TIAM1: variants seen among roughly 807,000 people sequenced by gnomAD.
TIAM1 encodes TIAM Rac1 associated GEF 1, also known as rho guanine nucleotide exchange factor TIAM1.
A neutral mutation model predicts 163.5 loss-of-function variants in TIAM1; 65 were observed. The observed-to-expected ratio is 0.40, with a 90% CI of 0.33 to 0.49. TIAM1 has a LOEUF of 0.49. Ranked by LOEUF, TIAM1 falls within the 20% of genes least tolerant of loss-of-function variation. The pLI is 0.77. For missense variants in TIAM1, 1,789 were observed against 2,044.7 expected (o/e 0.87, Z 2.41); for synonymous variants, 833 against 810.1 (o/e 1.03, Z -0.48).
intron 6 of TIAM1, among the ~76,000 whole-genome samples, chr21:31,241,322 C>G (rs1439862210): frequency 6.6e-6 from 1 of 152,142 alleles, no homozygotes; most frequent in African/African-American, 2.4e-5. Flanking sequence ...GACCCTACAG[C>G]TCGGTGAAAG....
intron 2 of TIAM1, among the ~76,000 whole-genome samples, chr21:31,391,462 TAAAAATACAAAAA>T (rs1353008929): frequency 6.6e-6 from 1 of 152,016 alleles, no homozygotes; most frequent in Admixed American, 6.5e-5. Flanking sequence ...CCGGCTCTAC[TAAAAATACAAAAA>T]TTAGCTGGGC....
intron 4 of TIAM1, among the ~76,000 whole-genome samples, chr21:31,252,638 T>C (rs1367756149): frequency 2.6e-5 from 4 of 152,112 alleles, no homozygotes; most frequent in South Asian, 2.1e-4. Flanking sequence ...AATGAATAAC[T>C]AGGTCTTTAT....
At chr21:31,553,421 G>C (rs1435938575) in intron 1 of TIAM1, among the ~76,000 whole-genome samples, 1 of 152,158 alleles carries the variant, frequency 6.6e-6, no homozygotes, top group Non-Finnish European at 1.5e-5. Context: ...GGTTGGGTGA[G>C]GGTCCTGTTA....
chr21:31,450,056 G>T (rs571409520), intron 2 of TIAM1, among the ~76,000 whole-genome samples: 3 of 152,272 alleles, frequency 2.0e-5, no homozygotes, highest in Admixed American at 1.3e-4. Flanking sequence ...ATAATGGAAG[G>T]AGCTGCTCGT....
intron 16 of TIAM1, among the ~76,000 whole-genome samples, chr21:31,154,827 C>T (rs1202389188): frequency 2.0e-5 from 3 of 152,148 alleles, no homozygotes; most frequent in African/African-American, 7.2e-5. Context: ...GTCGATAAAT[C>T]AGGAGACATA....
chr21:31,162,657 T>C (rs1036057868), intron 16 of TIAM1, among the ~76,000 whole-genome samples: 1 of 150,982 alleles, frequency 6.6e-6, no homozygotes, highest in Non-Finnish European at 1.5e-5. Context: ...TTTTTTTTTT[T>C]TTGAGATGGA....
At chr21:31,143,277 T>C (rs191466721) in intron 20 of TIAM1, among the ~76,000 whole-genome samples, 378 of 152,248 alleles carry the variant, frequency 2.5e-3, no homozygotes, top group African/African-American at 8.6e-3. Flanking sequence ...CATTGGAAAT[T>C]CATTTCCAAT....
intron 10 of TIAM1, chr21:31,212,606 C>CTTTTTTTT (rs35838120): frequency 3.2e-5 from 3 of 93,740 alleles, no homozygotes; most frequent in African/African-American, 7.6e-5. Context: ...GCCTGTGAAT[C>CTTTTTTTT]TTTTTTTTTT....
At chr21:31,186,684 G>A (rs191398183) in intron 14 of TIAM1, among the ~76,000 whole-genome samples, 122 of 152,222 alleles carry the variant, frequency 8.0e-4, no homozygotes, top group African/African-American at 2.5e-3. Context: ...GGGGGGCTGA[G>A]GTGAGAGGGT....
At chr21:31,200,569 C>T (rs767768158) in intron 12 of TIAM1, among the ~76,000 whole-genome samples, 40 of 152,220 alleles carry the variant, frequency 2.6e-4, no homozygotes, top group Non-Finnish European at 2.4e-4. Flanking sequence ...ATTAGATCTA[C>T]TGCTAGGTCT....
intron 2 of TIAM1, among the ~76,000 whole-genome samples, chr21:31,331,867 C>T (rs2075687644): frequency 6.6e-6 from 1 of 152,150 alleles, no homozygotes; most frequent in South Asian, 2.1e-4. Flanking sequence ...CATTTCAATA[C>T]CAACTTCATG....
chr21:31,408,279 C>T (rs1313565649), intron 2 of TIAM1, among the ~76,000 whole-genome samples: 2 of 151,998 alleles, frequency 1.3e-5, no homozygotes, highest in Non-Finnish European at 2.9e-5. Context: ...AAGAGAAAGA[C>T]AAAGAGAAGA....
In TIAM1 at chr21:31,154,433, AGCACAGG is replaced by A. The variant is rs1568932093; in HGVS notation, c.2992-14_2992-8del. Reference sequence around the variant, plus strand: ...CGGCCACCTGTTCTGTACTCTTCGGAGCACAGGGGGGAAGGGAAGGCAGAGGTCATTA... The same window carrying A: ...CGGCCACCTGTTCTGTACTCTTCGGAGGGGAAGGGAAGGCAGAGGTCATTA... On this transcript the variant is annotated splice_polypyrimidine_tract_variant and splice_region_variant and intron_variant, in intron 16 of 27. Transcript: ENST00000541036. The A allele has an allele frequency of 6.2e-7, 1 of 1,610,810 alleles. No homozygotes were observed. The highest frequency in any genetic ancestry group is 8.5e-7 in the Non-Finnish European group (1 of 1,177,624).
chr21:31,529,583 A>G (rs1184360161), intron 1 of TIAM1, among the ~76,000 whole-genome samples: 1 of 152,132 alleles, frequency 6.6e-6, no homozygotes, highest in Non-Finnish European at 1.5e-5. Context: ...GGAGTTTAAG[A>G]CCTTGTGGGT....
At chr21:31,481,158 C>T (rs554812026) in intron 1 of TIAM1, among the ~76,000 whole-genome samples, 2 of 152,268 alleles carry the variant, frequency 1.3e-5, no homozygotes, top group South Asian at 2.1e-4. Context: ...TTGTGGACAG[C>T]CACCTTCTTT....
chr21:31,276,719 T>C lies in TIAM1; in HGVS notation c.-12+13A>G, dbSNP rs2073316046. 6.6e-6 allele frequency: 1 copy of C among 152,194 alleles called. No homozygotes were observed. Among genetic ancestry groups the C allele is most frequent in the Admixed American group, 6.5e-5 (1 of 15,284 alleles). The allele number at this position is 152,194 out of a possible 1,614,324, so 9.4% of individuals were successfully genotyped here. On this transcript the variant is annotated intron_variant, in intron 3 of 27. Transcript: ENST00000541036. ...ACAAACATATAGGCTCAAATATACA[T>C]ATGCAAACCTACCTTAAAAGGCAAC...
intron 1 of TIAM1, among the ~76,000 whole-genome samples, chr21:31,522,886 C>T (rs1176795190): frequency 6.6e-6 from 1 of 152,150 alleles, no homozygotes; most frequent in Admixed American, 6.5e-5. Flanking sequence ...AACACTACCC[C>T]GTATTTCAAT....
chr21:31,436,838 A>T (rs2044226542), intron 2 of TIAM1, among the ~76,000 whole-genome samples: 1 of 151,936 alleles, frequency 6.6e-6, no homozygotes, highest in Non-Finnish European at 1.5e-5. Flanking sequence ...CATGCCTGTG[A>T]TCCCAGCTAC....
chr21:31,313,553 T>TA (rs1390409142), intron 2 of TIAM1, among the ~76,000 whole-genome samples: 3 of 152,172 alleles, frequency 2.0e-5, no homozygotes, highest in African/African-American at 7.2e-5. Flanking sequence ...AATAATTTAT[T>TA]AAAAAATTCA....
Sources: allele counts gnomAD v4.1 joint callset (sites outside exome capture counted in the v4.1 genomes callset), GRCh38; gene constraint gnomAD v4.1.1; transcripts MANE v1.5; gene names NCBI Gene and HGNC (gene_info 2026-07-23, HGNC 2026-07-21).